GRIK2: variants seen among roughly 807,000 people sequenced by gnomAD.
The protein encoded by GRIK2 is glutamate ionotropic receptor kainate type subunit 2, also known as glutamate receptor ionotropic, kainate 2.
A neutral mutation model predicts 100.3 loss-of-function variants in GRIK2; 32 were observed. The ratio of observed to expected loss-of-function variants is 0.32; its 90% CI spans 0.24 to 0.43. GRIK2 has a LOEUF of 0.43. Ranked by LOEUF, GRIK2 falls within the 20% of genes least tolerant of loss-of-function variation. The probability of loss-of-function intolerance (pLI) is 1.00; values close to 1 mark genes in which losing one functional copy is unlikely to be tolerated. For synonymous variants in GRIK2, 417 were observed against 389.4 expected, an observed-to-expected ratio of 1.07 and a Z score of -0.83; for missense variants, 843 against 1,114.9, an observed-to-expected ratio of 0.76 and a Z score of 3.47.
Position 102,042,823 on chromosome 6 carries a change from CAG to C in GRIK2, c.2311+7260_2311+7261del, listed in dbSNP as rs563557329. 1.2e-4 allele frequency among the ~76,000 whole-genome samples: 18 copies of C among 151,722 alleles called. No individual in the cohort carries two copies. The East Asian group carries it at 3.3e-3, about 28-fold the overall frequency. On this transcript the variant is annotated intron_variant, in intron 15 of 16. Coordinates refer to ENST00000369134, the MANE Select transcript of GRIK2 (RefSeq NM_021956.5). Reference sequence around the variant, plus strand: ...TTATTTCTATTTTCATACTTAGTGTCAGAGTTTCATGGTTTAATACTCAAGAA... The same window carrying C: ...TTATTTCTATTTTCATACTTAGTGTCAGTTTCATGGTTTAATACTCAAGAA...
chr6:101,646,737 TC>T (rs1486590936), intron 4 of GRIK2, among the ~76,000 whole-genome samples: 1 of 151,890 alleles, frequency 6.6e-6, no homozygotes, highest in Non-Finnish European at 1.5e-5. Context: ...ACATTAAATC[TC>T]CCGCCTGATA....
chr6:101,484,566 CACAT>C (rs1458224500), intron 2 of GRIK2, among the ~76,000 whole-genome samples: 5 of 149,500 alleles, frequency 3.3e-5, no homozygotes, highest in South Asian at 2.1e-4. Flanking sequence ...CACACACACA[CACAT>C]ATATATGGGA....
chr6:101,548,436 G>C (rs1776353255), intron 2 of GRIK2, among the ~76,000 whole-genome samples: 1 of 152,122 alleles, frequency 6.6e-6, no homozygotes, highest in African/African-American at 2.4e-5. Flanking sequence ...TTTTCTTCTA[G>C]AGTTTTTATG....
At chr6:101,505,541 C>T (rs555997027) in intron 2 of GRIK2, among the ~76,000 whole-genome samples, 83 of 152,092 alleles carry the variant, frequency 5.5e-4, no homozygotes, top group Non-Finnish European at 1.0e-3. Flanking sequence ...AATAACGAGC[C>T]AGAGCAATAC....
chr6:101,401,033 A>C (rs908790329), intron 2 of GRIK2, among the ~76,000 whole-genome samples: 3 of 152,200 alleles, frequency 2.0e-5, no homozygotes, highest in Non-Finnish European at 4.4e-5. Flanking sequence ...GTGTGTTTTC[A>C]GCAGTTAGGC....
chr6:101,459,616 C>T (rs1346189484), intron 2 of GRIK2, among the ~76,000 whole-genome samples: 1 of 152,136 alleles, frequency 6.6e-6, no homozygotes, highest in Non-Finnish European at 1.5e-5. Context: ...AAAAAACCCT[C>T]AACTTTATAG....
At chr6:101,950,840 G>T (rs1002834951) in intron 14 of GRIK2, among the ~76,000 whole-genome samples, 5 of 152,256 alleles carry the variant, frequency 3.3e-5, no homozygotes, top group Admixed American at 1.3e-4. Context: ...AAGGATAACT[G>T]CTAAGTGTAC....
At chr6:101,529,306 TA>T (rs1356172457) in intron 2 of GRIK2, among the ~76,000 whole-genome samples, 1 of 152,080 alleles carries the variant, frequency 6.6e-6, no homozygotes, top group Non-Finnish European at 1.5e-5. Flanking sequence ...AGAGGAATGA[TA>T]GCTAAATGAA....
At chr6:101,627,882 T>A (rs997365814) in intron 4 of GRIK2, among the ~76,000 whole-genome samples, 5 of 152,114 alleles carry the variant, frequency 3.3e-5, no homozygotes, top group African/African-American at 1.2e-4. Flanking sequence ...AAAACAAGTC[T>A]CAGAGAAATA....
rs140091262 is a variant in GRIK2, at chr6:101,895,128, G to C, written c.1748+5265G>C. 2.5e-3 allele frequency among the ~76,000 whole-genome samples: 375 copies of C among 151,822 alleles called. 2 individuals are homozygous for C. The highest frequency in any genetic ancestry group is 8.1e-3 in the African/African-American group (337 of 41,522). Reference sequence around the variant, plus strand: ...CAAATGATTAGGGTCAAATAGAGGAGAAAGTGTAAAGGAAGGCAAACAGTA... The same window carrying C: ...CAAATGATTAGGGTCAAATAGAGGACAAAGTGTAAAGGAAGGCAAACAGTA... On this transcript the variant is annotated intron_variant, in intron 12 of 16. Transcript: ENST00000369134.
At chr6:101,753,487 G>A (rs560570524) in intron 7 of GRIK2, among the ~76,000 whole-genome samples, 23 of 152,082 alleles carry the variant, frequency 1.5e-4, no homozygotes, top group African/African-American at 5.3e-4. Context: ...AGAGTATGAA[G>A]TCTTTGTGGG....
intron 2 of GRIK2, among the ~76,000 whole-genome samples, chr6:101,554,495 A>T (rs559526360): frequency 2.0e-5 from 3 of 152,298 alleles, no homozygotes; most frequent in Admixed American, 2.0e-4. Context: ...CTACCAGGAT[A>T]TATAAAGAAA....
At chr6:101,554,312 C>T (rs1274290763) in intron 2 of GRIK2, among the ~76,000 whole-genome samples, 2 of 152,054 alleles carry the variant, frequency 1.3e-5, no homozygotes, top group Admixed American at 1.3e-4. Context: ...TTGTGACCAC[C>T]CCAACATGCA....
chr6:101,820,550 A>G (rs1200222302), intron 10 of GRIK2, among the ~76,000 whole-genome samples: 4 of 152,014 alleles, frequency 2.6e-5, no homozygotes, highest in Non-Finnish European at 4.4e-5. Context: ...GGTTCAAACG[A>G]TTCTCCTGCC....
chr6:101,784,099 G>A (rs1464162738), intron 7 of GRIK2, among the ~76,000 whole-genome samples: 1 of 152,202 alleles, frequency 6.6e-6, no homozygotes, highest in African/African-American at 2.4e-5. Context: ...GGAGCGGAAT[G>A]TTACTAGCCA....
At chr6:101,969,711 T>C (rs1423044332) in intron 14 of GRIK2, among the ~76,000 whole-genome samples, 2 of 152,092 alleles carry the variant, frequency 1.3e-5, no homozygotes, top group African/African-American at 4.8e-5. Flanking sequence ...TCTTTGTAGA[T>C]GAAATGTCAA....
chr6:102,025,936 G>T (rs144593339), intron 14 of GRIK2, among the ~76,000 whole-genome samples: 5 of 150,776 alleles, frequency 3.3e-5, no homozygotes, highest in African/African-American at 1.2e-4. Context: ...CACCTGAAAA[G>T]GCCTGGCGTT....
chr6:101,409,102 TTGTGTATGTGTGTGTGTGTGTG>T lies in GRIK2; in HGVS notation c.115+9716_115+9737del. ...CAAGACATTTCTATTACCTGAAACA[TTGTGTATGTGTGTGTGTGTGTG>T]TGTGTGTGTGTGTGTGTGTGTGTGT... is the stretch of plus-strand genomic sequence containing the variant. On this transcript the variant is annotated intron_variant, in intron 2 of 16. Coordinates refer to ENST00000369134, the MANE Select transcript of GRIK2 (RefSeq NM_021956.5). Among the ~76,000 whole-genome samples the T allele has an allele frequency of 2.2e-5, 3 of 133,736 alleles. 1 individual carries two copies. Among genetic ancestry groups the T allele is most frequent in the Middle Eastern group, 7.2e-3 (2 of 276 alleles). The allele number at this position is 133,736 out of a possible 152,430, so 87.7% of individuals were successfully genotyped here.
At chr6:102,025,297 G>A (rs1178569137) in intron 14 of GRIK2, among the ~76,000 whole-genome samples, 1 of 151,090 alleles carries the variant, frequency 6.6e-6, no homozygotes, top group African/African-American at 2.4e-5. Context: ...GAAAATCCTT[G>A]CATTAATGGA....
Sources: gnomAD v4.1 joint callset for allele counts (sites outside exome capture counted in the v4.1 genomes callset) on GRCh38, gnomAD v4.1.1 for gene constraint, MANE v1.5 for transcripts, NCBI Gene and HGNC (gene_info 2026-07-23, HGNC 2026-07-21) for gene names.